Variants in TUBE1 observed in about 807,000 individuals in gnomAD.
TUBE1 encodes tubulin epsilon chain.
Under a neutral mutation model 53.5 loss-of-function variants are expected in TUBE1, and 34 were observed. The observed-to-expected ratio is 0.64, with a 90% CI of 0.48 to 0.85. The LOEUF (loss-of-function observed/expected upper bound fraction) is 0.85, where lower values mean the gene tolerates loss of function less well. Among genes scored for constraint, TUBE1 ranks in the 40% least tolerant of loss-of-function variants. The probability of loss-of-function intolerance (pLI) is 0.00; values close to 1 mark genes in which losing one functional copy is unlikely to be tolerated. For synonymous variants in TUBE1, 177 were observed against 198.4 expected, an observed-to-expected ratio of 0.89 and a Z score of 0.91; for missense variants, 532 against 570.5, an observed-to-expected ratio of 0.93 and a Z score of 0.69.
In TUBE1 at chr6:112,087,473, G is replaced by A. The variant is rs1301978521; in HGVS notation, c.-39C>T. The A allele has an allele frequency of 5.2e-6, 8 of 1,547,400 alleles. No individual in the cohort carries two copies. The highest frequency in any genetic ancestry group is 1.4e-5 in the African/African-American group (1 of 72,986). ...CGGCTCCGGGAGCTTGCTAGCCCGC[G>A]GCCGCTTCTGCATTCCCCCAGCAAC... is the stretch of plus-strand genomic sequence containing the variant. On this transcript the variant is annotated 5_prime_UTR_variant, in exon 1 of 12. Transcript: ENST00000368662.
intron 6 of TUBE1, chr6:112,077,815 A>G (rs972836652): frequency 6.6e-6 from 1 of 151,572 alleles, no homozygotes; most frequent in Non-Finnish European, 1.5e-5. Flanking sequence ...ACTTAAAAAA[A>G]CCCATAAAAA....
chr6:112,084,468 T>C (rs1554317109), intron 3 of TUBE1, among the ~76,000 whole-genome samples: 3 of 152,222 alleles, frequency 2.0e-5, no homozygotes, highest in Non-Finnish European at 4.4e-5. Context: ...GGGCTGGCCA[T>C]GTAATCCAGT....
chr6:112,083,211 C>T (rs587600333), intron 4 of TUBE1, among the ~76,000 whole-genome samples: 9 of 151,842 alleles, frequency 5.9e-5, no homozygotes, highest in East Asian at 1.9e-4. Context: ...CCAAGGACAT[C>T]GGAGATTGCA....
intron 9 of TUBE1, among the ~76,000 whole-genome samples, chr6:112,074,416 G>C (rs1377158975): frequency 1.3e-5 from 2 of 151,996 alleles, no homozygotes; most frequent in Non-Finnish European, 2.9e-5. Context: ...CTTGCCCAAA[G>C]TCCTGTAGCT....
Position 112,071,434 on chromosome 6 carries a change from G to A in TUBE1, c.1406C>T (p.Pro469Leu). The A allele has an allele frequency of 1.2e-6, 2 of 1,601,096 alleles. No individual in the cohort carries two copies. The highest frequency in any genetic ancestry group is 1.7e-6 in the Non-Finnish European group (2 of 1,171,630). The stretch of plus-strand genomic sequence containing the variant: ...TTTTCACATAGCTATGCTTAGTCTG[G>A]GTAAATCCTGCACAGGCATGTTTTT... Reference protein sequence around the residue: ...ATKNMPVQDLPRLSIAM With the variant: ...ATKNMPVQDLLRLSIAM Residue 469 changes from proline (P) to leucine (L), a missense_variant, in exon 12 of 12, where the codon CCC becomes CTC. By Grantham distance (98) the Pro-to-Leu change is moderately conservative (BLOSUM62 -3). Coordinates refer to ENST00000368662, the MANE Select transcript of TUBE1 (RefSeq NM_016262.5).
At chr6:112,074,153 T>C (rs1350949670) in intron 9 of TUBE1, among the ~76,000 whole-genome samples, 1 of 152,232 alleles carries the variant, frequency 6.6e-6, no homozygotes, top group Non-Finnish European at 1.5e-5. Context: ...ATCATCAGTA[T>C]ACATGCTAAG....
chr6:112,082,297 A>C (rs1291177215), intron 4 of TUBE1, among the ~76,000 whole-genome samples: 1 of 152,196 alleles, frequency 6.6e-6, no homozygotes, highest in Non-Finnish European at 1.5e-5. Context: ...ATTTCTGACA[A>C]TATGCAATTT....
intron 3 of TUBE1, among the ~76,000 whole-genome samples, chr6:112,084,931 G>A (rs1317468675): frequency 3.9e-5 from 6 of 152,122 alleles, no homozygotes; most frequent in Admixed American, 2.0e-4. Flanking sequence ...TTCACAAGAC[G>A]GAATATATGA....
In TUBE1 at chr6:112,076,375, C is replaced by A; in HGVS notation, c.583G>T (p.Ala195Ser). 6.2e-7 allele frequency: 1 copy of A among 1,608,176 alleles called. No homozygotes were observed. Among genetic ancestry groups the A allele is most frequent in the Non-Finnish European group, 8.5e-7 (1 of 1,177,762 alleles). The part of the protein sequence containing the change: ...VITSPYNSIL[A>S]MKELNEHADC... ...GCATGCTCATTAAGTTCCTTCATTG[C>A]CAAGATGCTATTATAAGGTGAGGTT... is the stretch of plus-strand genomic sequence containing the variant. Residue 195 changes from alanine (A) to serine (S), a missense_variant, in exon 7 of 12, where the codon GCA becomes TCA. Ala to Ser is a moderately conservative substitution (Grantham distance 99). Coordinates refer to ENST00000368662, the MANE Select transcript of TUBE1 (RefSeq NM_016262.5).
intron 5 of TUBE1, among the ~76,000 whole-genome samples, chr6:112,080,364 A>G (rs1554316609): frequency 6.6e-6 from 1 of 152,110 alleles, no homozygotes; most frequent in Non-Finnish European, 1.5e-5. Flanking sequence ...CATTTCAGGT[A>G]TAACTCAAAA....
chr6:112,072,146 G>GA, intron 10 of TUBE1, 70 bp from the exon 11 acceptor site: 4 of 1,192,520 alleles, frequency 3.4e-6, no homozygotes, highest in South Asian at 1.5e-5. Context: ...TATAATGGCA[G>GA]CTCATATTAG....
intron 5 of TUBE1, 144 bp downstream of exon 5, chr6:112,080,948 C>T (rs894115783): frequency 2.2e-6 from 1 of 451,148 alleles, no homozygotes; most frequent in Non-Finnish European, 3.9e-6. Flanking sequence ...GGCTTCCAAG[C>T]CACTATTTAT....
At position 112,081,215 on chromosome 6, in the gene TUBE1, A is replaced by G; in HGVS notation, c.211-8T>C. On this transcript the variant is annotated splice_polypyrimidine_tract_variant and splice_region_variant and intron_variant, in intron 4 of 11. Coordinates refer to ENST00000368662, the MANE Select transcript of TUBE1 (RefSeq NM_016262.5). ...CATATCAATCAAGACTGCCTGAGAAAGAAAAATAAAATATAATTAATGTAT... is the reference window on the plus strand; with the variant it reads ...CATATCAATCAAGACTGCCTGAGAAGGAAAAATAAAATATAATTAATGTAT... The G allele has an allele frequency of 6.8e-7, 1 of 1,461,446 alleles. No individual in the cohort carries two copies. The highest frequency in any genetic ancestry group is 9.5e-7 in the Non-Finnish European group (1 of 1,057,204). 90.5% of individuals were successfully genotyped at this position (1,461,446 alleles called of 1,614,324 possible). A position where few individuals can be genotyped will look rare whatever the true frequency, so the allele number is the denominator to read the frequency against.
chr6:112,075,064 C>CTTTTTTTTTTTTTTTTTTTTTTT (rs781833721), intron 8 of TUBE1: 2 of 164,854 alleles, frequency 1.2e-5, no homozygotes, highest in Non-Finnish European at 1.1e-5. Context: ...TTTTTTTTTT[C>CTTTTTTTTTTTTTTTTTTTTTTT]TTTCTTTTTT....
chr6:112,086,484 C>A, intron 3 of TUBE1, 72 bp downstream of exon 3: 1 of 1,180,450 alleles, frequency 8.5e-7, no homozygotes, highest in Non-Finnish European at 1.2e-6. Context: ...TTTTATTGTC[C>A]TTTGAAGAAT....
At chr6:112,079,891 T>C (rs1490875851) in intron 5 of TUBE1, 137 bp from the exon 6 acceptor site, 12 of 794,696 alleles carry the variant, frequency 1.5e-5, no homozygotes, top group East Asian at 2.9e-5. Context: ...TCTTGTTTCA[T>C]GTAAATAAAT....
At chr6:112,074,598 CAGATA>C (rs1379626511) in intron 9 of TUBE1, 107 bp downstream of exon 9, 19 of 718,816 alleles carry the variant, frequency 2.6e-5, no homozygotes, top group Middle Eastern at 8.9e-4. Flanking sequence ...TCAACTCTCA[CAGATA>C]AGATGATACA....
intron 6 of TUBE1, chr6:112,078,260 G>C (rs1554316313): frequency 6.6e-6 from 1 of 151,900 alleles, no homozygotes; most frequent in Non-Finnish European, 1.5e-5. Flanking sequence ...AAGCTATAGT[G>C]GCACAAATAC....
In TUBE1 at chr6:112,084,143, T is replaced by A. The variant is rs587654467; in HGVS notation, c.210+46A>T. On this transcript the variant is annotated intron_variant, in intron 4 of 11. Coordinates refer to ENST00000368662, the MANE Select transcript of TUBE1 (RefSeq NM_016262.5). ...TCATGATAGTTACTGAGAATAGTTA[T>A]TTAAAAAATACATGTAATATAAGAA... 4.6e-4 allele frequency: 660 copies of A among 1,444,320 alleles called. 1 individual carries two copies. The highest frequency in any genetic ancestry group is 6.1e-4 in the Non-Finnish European group (626 of 1,033,346). The allele number at this position is 1,444,320 out of a possible 1,614,324, so 89.5% of individuals were successfully genotyped here.
Sources: allele counts gnomAD v4.1 joint callset (sites outside exome capture counted in the v4.1 genomes callset), GRCh38; gene constraint gnomAD v4.1.1; transcripts MANE v1.5; gene names NCBI Gene and HGNC (gene_info 2026-07-23, HGNC 2026-07-21).